The following CEL variants were observed in gnomAD, a reference collection of about 807,000 sequenced individuals.
CEL encodes the protein carboxyl ester lipase.
Under a neutral mutation model 57.1 loss-of-function variants are expected in CEL, and 39 were observed. That is an observed-to-expected ratio of 0.68 (90% confidence interval 0.53 to 0.89). CEL has a LOEUF of 0.89. Among genes scored for constraint, CEL ranks in the 40% least tolerant of loss-of-function variants. The pLI, the probability that CEL is intolerant of heterozygous loss-of-function variation, is 0.00. For missense variants in CEL, 698 were observed against 915.0 expected (o/e 0.76, Z 3.06); for synonymous variants, 314 against 396.6 (o/e 0.79, Z 2.48).
At chr9:133,064,371 G>GC in intron 1 of CEL, 33 bp from the exon 2 acceptor site, 1 of 1,611,886 alleles carries the variant, frequency 6.2e-7, no homozygotes, top group Non-Finnish European at 8.5e-7. Flanking sequence ...TGGGGCTTGA[G>GC]CCCCCCTGAC....
At chr9:133,068,055 A>G (rs1029618113) in intron 7 of CEL, among the ~76,000 whole-genome samples, 1 of 152,210 alleles carries the variant, frequency 6.6e-6, no homozygotes, top group African/African-American at 2.4e-5. Context: ...TTTACCTGAC[A>G]TGAGCTCAAC....
Position 133,071,041 on chromosome 9 carries a change from G to T in CEL, c.1539G>T (p.Thr513=). 2 of 1,613,462 alleles carry T rather than the reference G, an allele frequency of 1.2e-6. No homozygotes were observed. The highest frequency in any genetic ancestry group is 1.7e-6 in the Non-Finnish European group (2 of 1,179,846). The change falls in exon 11 of 11, where the codon ACG becomes ACT. Residue 513 remains threonine, a synonymous_variant. Transcript: ENST00000372080. ...AVPTHWEPYT[T]ENSGYLEITK... is the part of the protein sequence containing the mutation. ...CCACACACTGGGAACCCTACACTACGGAAAACAGCGGCTACCTGGAGATCA... is the reference window on the plus strand; with the variant it reads ...CCACACACTGGGAACCCTACACTACTGAAAACAGCGGCTACCTGGAGATCA...
At chr9:133,065,425 C>T (rs562599563) in intron 4 of CEL, among the ~76,000 whole-genome samples, 188 bp downstream of exon 4, 184 of 152,256 alleles carry the variant, frequency 1.2e-3, no homozygotes, top group African/African-American at 4.2e-3. Context: ...CTGCAGAGGC[C>T]GGGAGAGATG....
intron 9 of CEL, 138 bp from the exon 10 acceptor site, chr9:133,070,323 G>C: frequency 1.4e-6 from 1 of 699,228 alleles, no homozygotes; most frequent in Non-Finnish European, 2.4e-6. Context: ...TTCCCTGGGT[G>C]TAAGAAGCCC....
intron 4 of CEL, among the ~76,000 whole-genome samples, chr9:133,065,564 G>A (rs2119060809): frequency 6.6e-6 from 1 of 152,118 alleles, no homozygotes; most frequent in Non-Finnish European, 1.5e-5. Context: ...AATTAGCTGG[G>A]GACTGGGCGC....
chr9:133,064,571 C>T lies in CEL; in HGVS notation c.217+17C>T, dbSNP rs760276056. 17 of 1,614,060 alleles carry T rather than the reference C, an allele frequency of 1.1e-5. No homozygotes were observed. Among genetic ancestry groups the T allele is most frequent in the East Asian group, 4.5e-5 (2 of 44,882 alleles). On this transcript the variant is annotated intron_variant, in intron 2 of 10. Transcript: ENST00000372080. Reference sequence around the variant, plus strand: ...GCTGGCAAGGTGGGAGTGGGTGGTGCCGGACTGGCCCTGCGGCGGGGCGGG... The same window carrying T: ...GCTGGCAAGGTGGGAGTGGGTGGTGTCGGACTGGCCCTGCGGCGGGGCGGG...
intron 7 of CEL, among the ~76,000 whole-genome samples, chr9:133,068,303 A>G (rs1415235853): frequency 2.0e-5 from 3 of 152,030 alleles, no homozygotes; most frequent in African/African-American, 4.8e-5. Flanking sequence ...AGTGGCTTCT[A>G]AGTTTCCTCC....
At position 133,066,590 on chromosome 9, in the gene CEL, C is replaced by G. The variant is rs1289352023; in HGVS notation, c.599C>G (p.Ala200Gly). ...GCTTGGGTGAAGAGGAATATCGCGG[C>G]CTTCGGGGGGGACCCCAACAACATC... ...AIAWVKRNIA[A>G]FGGDPNNITL... Residue 200 changes from alanine (A) to glycine (G), a missense_variant, in exon 5 of 11, where the codon GCC (alanine) becomes GGC (glycine). Around this residue, in one of 6 missense-constraint regions of CEL, gnomAD observed 327 missense variants for 374.1 expected, o/e 0.87. Coordinates refer to ENST00000372080, the MANE Select transcript of CEL (RefSeq NM_001807.6). The surrounding 1 kb of genome is among the most constrained non-coding windows in gnomAD (Gnocchi z 4.3). The G allele has an allele frequency of 6.2e-7, 1 of 1,613,978 alleles. No homozygotes were observed. The highest frequency in any genetic ancestry group is 1.7e-5 in the Admixed American group (1 of 60,020).
In CEL at chr9:133,066,673, C is replaced by G. The variant is rs748585720; in HGVS notation, c.669+13C>G. 1 of 1,612,226 alleles carries G rather than the reference C, an allele frequency of 6.2e-7. No homozygotes were observed. The highest frequency in any genetic ancestry group is 1.7e-5 in the Admixed American group (1 of 60,004). On this transcript the variant is annotated intron_variant, in intron 5 of 10. Coordinates refer to ENST00000372080, the MANE Select transcript of CEL (RefSeq NM_001807.6). The surrounding 1 kb of genome is among the most constrained non-coding windows in gnomAD (Gnocchi z 4.3). ...CGTCTCTCTGCAGGTCTCGGGATCCCTGTGGGGAGGGCCTGCCCCACAGGT... is the reference window on the plus strand; with the variant it reads ...CGTCTCTCTGCAGGTCTCGGGATCCGTGTGGGGAGGGCCTGCCCCACAGGT...
chr9:133,064,702 A>C lies in CEL; in HGVS notation c.280A>C (p.Thr94Pro), dbSNP rs1588488662. 2 of 1,614,090 alleles carry C rather than the reference A, an allele frequency of 1.2e-6. No individual in the cohort carries two copies. The highest frequency in any genetic ancestry group is 1.7e-6 in the Non-Finnish European group (2 of 1,180,006). Residue 94 changes from threonine (T) to proline (P), a missense_variant, in exon 3 of 11, where the codon ACC becomes CCC. Physicochemically the swap from Thr to Pro is conservative, Grantham distance 38. This residue lies in a region of CEL where 327 missense variants were observed against 374.1 expected (regional missense o/e 0.87). Transcript: ENST00000372080. ...GCAGGCCACCATCACCCAGGACAGC[A>C]CCTACGGGGATGAAGACTGCCTGTA... is the stretch of plus-strand genomic sequence containing the variant. ...CLQATITQDSTYGDEDCLYLN... is the reference protein window; with the variant it reads ...CLQATITQDSPYGDEDCLYLN...
intron 10 of CEL, 150 bp from the exon 11 acceptor site, chr9:133,070,837 A>G: frequency 2.4e-6 from 3 of 1,226,584 alleles, no homozygotes; most frequent in Admixed American, 4.0e-5. Flanking sequence ...AAGCCCATGC[A>G]CGTGCACAGC....
In CEL at chr9:133,070,624, A is replaced by G. The variant is rs762851155; in HGVS notation, c.1450A>G (p.Met484Val). The change falls in exon 10 of 11, where the codon ATG becomes GTG. Residue 484 changes from methionine to valine, a missense_variant. Physicochemically the swap from Met to Val is conservative, Grantham distance 21. Coordinates refer to ENST00000372080, the MANE Select transcript of CEL (RefSeq NM_001807.6). ...CCAAGACAGGACAGTCTCTAAGGCC[A>G]TGATCGCCTACTGGACCAACTTTGC... is the stretch of plus-strand genomic sequence containing the variant. Reference protein sequence around the residue: ...RPQDRTVSKAMIAYWTNFAKT... With the variant: ...RPQDRTVSKAVIAYWTNFAKT... 18 of 1,614,200 alleles carry G rather than the reference A, an allele frequency of 1.1e-5. No individual in the cohort carries two copies. In the South Asian group the frequency reaches 2.0e-4, roughly 18 times the overall value.
At chr9:133,062,297 A>G (rs1830104440) in intron 1 of CEL, among the ~76,000 whole-genome samples, 1 of 149,344 alleles carries the variant, frequency 6.7e-6, no homozygotes, top group Non-Finnish European at 1.5e-5. Context: ...GCAATATTTG[A>G]AACAAATTTC....
chr9:133,070,450 C>T lies in CEL; in HGVS notation c.1287-11C>T, dbSNP rs746505845. 11 of 1,610,852 alleles carry T rather than the reference C, an allele frequency of 6.8e-6. No homozygotes were observed. In the Admixed American group the frequency reaches 8.4e-5, roughly 12 times the overall value. ...AGCACCCTGCCTACTTGGGTGGTCT[C>T]TCCCCTCCAGGAGTGCCAAGACCTA... On this transcript the variant is annotated splice_polypyrimidine_tract_variant and intron_variant, in intron 9 of 10. Coordinates refer to ENST00000372080, the MANE Select transcript of CEL (RefSeq NM_001807.6).
In CEL at chr9:133,068,043, C is replaced by T. The variant is rs549000572; in HGVS notation, c.896-629C>T. Among the ~76,000 whole-genome samples, 7 of 152,212 alleles carry T rather than the reference C, an allele frequency of 4.6e-5. No individual in the cohort carries two copies. The East Asian group carries it at 1.2e-3, about 25-fold the overall frequency. ...ATGCCATGAAGCCAAGTCATCTGCA[C>T]GTTTACCTGACATGAGCTCAACTGC... On this transcript the variant is annotated intron_variant, in intron 7 of 10. Transcript: ENST00000372080.
rs577305031 is a variant in CEL, at chr9:133,068,486, C to T, written c.896-186C>T. ...GCTCCTGGCACCTCGTGGGTCGAGG[C>T]CGGGGATGCTCTAAACATCCTACAG... On this transcript the variant is annotated intron_variant, in intron 7 of 10. Transcript: ENST00000372080. Among the ~76,000 whole-genome samples the T allele has an allele frequency of 1.5e-3, 234 of 151,534 alleles. 1 individual carries two copies. The highest frequency in any genetic ancestry group is 5.5e-3 in the African/African-American group (227 of 41,070).
At chr9:133,067,739 C>A (rs1417509605) in intron 7 of CEL, among the ~76,000 whole-genome samples, 14 of 152,122 alleles carry the variant, frequency 9.2e-5, no homozygotes, top group Non-Finnish European at 1.5e-5. Context: ...CATTTGGGGC[C>A]CCCTCCCCCA....
At chr9:133,065,341 CAGAA>C in intron 4 of CEL, 104 bp downstream of exon 4, 2 of 1,306,158 alleles carry the variant, frequency 1.5e-6, no homozygotes, top group Non-Finnish European at 2.2e-6. Context: ...TGGCGGTTCA[CAGAA>C]AGACCCGGAA....
intron 1 of CEL, among the ~76,000 whole-genome samples, chr9:133,062,554 AC>A (rs1453156426): frequency 7.1e-6 from 1 of 140,140 alleles, no homozygotes; most frequent in Non-Finnish European, 1.5e-5. Flanking sequence ...AGATCACGCT[AC>A]TGCACTCCAG....
Sources: gnomAD v4.1 joint callset for allele counts (sites outside exome capture counted in the v4.1 genomes callset) on GRCh38, gnomAD v4.1.1 for gene constraint, gnomAD v4.1.1 regional missense constraint, Gnocchi (gnomAD v3.1) non-coding constraint, MANE v1.5 for transcripts, NCBI Gene and HGNC (gene_info 2026-07-23, HGNC 2026-07-21) for gene names.